Variants in MKRN2 observed in about 807,000 individuals in gnomAD.
MKRN2 encodes the protein makorin ring finger protein 2, also known as E3 ubiquitin-protein ligase makorin-2.
Under a neutral mutation model 45.4 loss-of-function variants are expected in MKRN2, and 32 were observed. The ratio of observed to expected loss-of-function variants is 0.70; its 90% CI spans 0.53 to 0.95. The LOEUF (loss-of-function observed/expected upper bound fraction) is 0.95, where lower values mean the gene tolerates loss of function less well. Ranked by LOEUF, MKRN2 falls within the 40% of genes least tolerant of loss-of-function variation. The pLI is 0.00. For synonymous variants in MKRN2, 206 were observed against 192.4 expected (o/e 1.07, Z -0.59); for missense variants, 526 against 536.7 (o/e 0.98, Z 0.20).
rs945434902 is a variant in MKRN2 at position 12,557,087 on chromosome 3, A to G, written c.-64A>G. ...ACGCGGGATGGGCCGGGCCAGGGCC[A>G]AGGCCGAGGCGGCAGCGGCTGCGAG... is the stretch of plus-strand genomic sequence containing the variant. On this transcript the variant is annotated 5_prime_UTR_variant, in exon 1 of 8. Coordinates refer to ENST00000170447, the MANE Select transcript of MKRN2 (RefSeq NM_014160.5). 14 of 1,331,804 alleles carry G rather than the reference A, an allele frequency of 1.1e-5. No individual in the cohort carries two copies. The highest frequency in any genetic ancestry group is 4.3e-5 in the East Asian group (1 of 23,316). 82.5% of individuals were successfully genotyped at this position (1,331,804 alleles called of 1,614,324 possible).
rs1200425423 is a variant in MKRN2, at chr3:12,582,536, G to T, written c.*283G>T. On this transcript the variant is annotated 3_prime_UTR_variant, in exon 8 of 8. Transcript: ENST00000170447. ...CAACTAACAAACACCCAAACTGTTT[G>T]GATTGATTGCTTTAAAAAACAAACC... The T allele has an allele frequency of 9.6e-6, 3 of 312,716 alleles. No individual in the cohort carries two copies. The highest frequency in any genetic ancestry group is 1.2e-5 in the Non-Finnish European group (2 of 168,680). 19.4% of individuals were successfully genotyped at this position (312,716 alleles called of 1,614,324 possible).
At chr3:12,569,906 A>T (rs1011329850) in intron 2 of MKRN2, among the ~76,000 whole-genome samples, 165 bp from the exon 3 acceptor site, 9 of 152,202 alleles carry the variant, frequency 5.9e-5, no homozygotes, top group African/African-American at 1.9e-4. Context: ...ATTGCCAAGC[A>T]TCTGTTAATA....
chr3:12,561,880 A>G lies in MKRN2; in HGVS notation c.26+4704A>G, dbSNP rs375602098. ...CAAAAATAATTCTCAAACTGCTTAG[A>G]TGTATACTCTACTTTTGTGTTTGGG... On this transcript the variant is annotated intron_variant, in intron 1 of 7. Transcript: ENST00000170447. 1.0e-3 allele frequency among the ~76,000 whole-genome samples: 157 copies of G among 152,208 alleles called. No individual in the cohort carries two copies. In the Middle Eastern group the frequency reaches 0.014, roughly 13 times the overall value.
chr3:12,565,136 C>T (rs1035043751), intron 1 of MKRN2, among the ~76,000 whole-genome samples: 11 of 152,192 alleles, frequency 7.2e-5, no homozygotes, highest in Admixed American at 2.6e-4. Flanking sequence ...TGGGTACATA[C>T]CTAGGCGTAG....
intron 6 of MKRN2, among the ~76,000 whole-genome samples, chr3:12,578,774 G>A (rs867075280): frequency 6.6e-6 from 1 of 150,950 alleles, no homozygotes; most frequent in Non-Finnish European, 1.5e-5. Flanking sequence ...TATGGCAGGC[G>A]TTTACTTGTC....
chr3:12,565,543 T>C (rs2058064448), intron 1 of MKRN2, among the ~76,000 whole-genome samples: 1 of 133,988 alleles, frequency 7.5e-6, no homozygotes, highest in African/African-American at 3.0e-5. Flanking sequence ...TTTTTTTTTT[T>C]TTTTTTTTGG....
chr3:12,564,143 A>G (rs1248351585), intron 1 of MKRN2, among the ~76,000 whole-genome samples: 4 of 151,878 alleles, frequency 2.6e-5, no homozygotes, highest in Non-Finnish European at 5.9e-5. Context: ...ATGGGGTTTC[A>G]CCATGTTGAT....
rs547712988 is a variant in MKRN2, at chr3:12,566,395, TG to T, written c.27-2479del. The stretch of plus-strand genomic sequence containing the variant: ...CAGTTGGGTTTGTTTTGTTTTGTTT[TG>T]TTTTTTTACAGTGAGAAGCCAAGAT... On this transcript the variant is annotated intron_variant, in intron 1 of 7. Coordinates refer to ENST00000170447, the MANE Select transcript of MKRN2 (RefSeq NM_014160.5). 4.6e-5 allele frequency among the ~76,000 whole-genome samples: 7 copies of T among 152,328 alleles called. No individual in the cohort carries two copies. In the South Asian group the frequency reaches 1.5e-3, roughly 32 times the overall value.
At position 12,582,205 on chromosome 3, in the gene MKRN2, C is replaced by G. The variant is rs749807571; in HGVS notation, c.1203C>G (p.Leu401=). 1.2e-6 allele frequency: 2 copies of G among 1,614,036 alleles called. No individual in the cohort carries two copies. Among genetic ancestry groups the G allele is most frequent in the East Asian group, 2.2e-5 (1 of 44,874 alleles). Residue 401 remains leucine, a synonymous_variant, in exon 8 of 8, where the codon CTC becomes CTG. Coordinates refer to ENST00000170447, the MANE Select transcript of MKRN2 (RefSeq NM_014160.5). ...PNNEDVDMTE[L]GDLFMHLSGV... The stretch of plus-strand genomic sequence containing the variant: ...ATGAAGATGTCGACATGACAGAGCT[C>G]GGGGACCTCTTCATGCACCTTTCTG...
intron 6 of MKRN2, among the ~76,000 whole-genome samples, chr3:12,580,913 A>G (rs1041849053): frequency 8.5e-5 from 13 of 152,212 alleles, no homozygotes; most frequent in Middle Eastern, 6.8e-3. Flanking sequence ...GCTGCCCCTG[A>G]CAGCAGCGTG....
chr3:12,567,780 C>G (rs147717429), intron 1 of MKRN2, among the ~76,000 whole-genome samples: 1 of 152,156 alleles, frequency 6.6e-6, no homozygotes, highest in East Asian at 1.9e-4. Context: ...TGTGAGCCAC[C>G]ACACCCAGCC....
rs1188276199 is a variant in MKRN2, at chr3:12,574,998, A to T, written c.849A>T (p.Pro283=). 1 of 1,613,666 alleles carries T rather than the reference A, an allele frequency of 6.2e-7. No homozygotes were observed. Among genetic ancestry groups the T allele is most frequent in the East Asian group, 2.2e-5 (1 of 44,898 alleles). Residue 283 remains proline, a synonymous_variant, in exon 5 of 8, where the codon CCA becomes CCT. Coordinates refer to ENST00000170447, the MANE Select transcript of MKRN2 (RefSeq NM_014160.5). ...QWRCAKQFEN[P]IIKSCPECRV... ...GGTGTGCCAAACAGTTTGAAAACCC[A>T]ATCATTAAGTAAGTACAGCCAGGGG... is the stretch of plus-strand genomic sequence containing the variant.
chr3:12,577,778 C>G (rs2058151330), intron 6 of MKRN2, among the ~76,000 whole-genome samples: 1 of 151,812 alleles, frequency 6.6e-6, no homozygotes, highest in Non-Finnish European at 1.5e-5. Flanking sequence ...CGGGTTCAAG[C>G]GATTCTCCTG....
chr3:12,577,420 T>A (rs1434051571), intron 6 of MKRN2, among the ~76,000 whole-genome samples: 5 of 152,164 alleles, frequency 3.3e-5, no homozygotes, highest in Non-Finnish European at 7.3e-5. Flanking sequence ...TTTATGATAG[T>A]TTTTTTATAT....
intron 6 of MKRN2, among the ~76,000 whole-genome samples, chr3:12,577,704 T>G (rs1040092378): frequency 6.6e-6 from 1 of 151,724 alleles, no homozygotes; most frequent in Non-Finnish European, 1.5e-5. Context: ...AGACGGAGTT[T>G]CACTCTTGTT....
intron 6 of MKRN2, among the ~76,000 whole-genome samples, chr3:12,580,593 G>C (rs749686804): frequency 6.6e-5 from 10 of 152,092 alleles, no homozygotes; most frequent in Non-Finnish European, 1.3e-4. Flanking sequence ...CGAGTAGCTG[G>C]GATTACAGGT....
rs2058205513 is a variant in MKRN2 at position 12,583,469 on chromosome 3, T to C, written c.*1216T>C. On this transcript the variant is annotated 3_prime_UTR_variant, in exon 8 of 8. Transcript: ENST00000170447. ...GTTTACAAAGAGTACAAAGGTTAAA[T>C]TACAAATTCATTCCCAGCCTAGGCT... 5.0e-6 allele frequency: 1 copy of C among 200,054 alleles called. No individual in the cohort carries two copies. Among genetic ancestry groups the C allele is most frequent in the South Asian group, 1.9e-4 (1 of 5,260 alleles). The allele number at this position is 200,054 out of a possible 1,614,324, so 12.4% of individuals were successfully genotyped here. A position where few individuals can be genotyped will look rare whatever the true frequency, so the allele number is the denominator to read the frequency against.
rs377094139 is a variant in MKRN2, at chr3:12,567,358, A to T, written c.27-1517A>T. On this transcript the variant is annotated intron_variant, in intron 1 of 7. Coordinates refer to ENST00000170447, the MANE Select transcript of MKRN2 (RefSeq NM_014160.5). Reference sequence around the variant, plus strand: ...ACAATCATGGCTACTGCAGCCTTGAACTCCTGGGTTTAAGCAATCCTCCTG... The same window carrying T: ...ACAATCATGGCTACTGCAGCCTTGATCTCCTGGGTTTAAGCAATCCTCCTG... Among the ~76,000 whole-genome samples, 13 of 150,290 alleles carry T rather than the reference A, an allele frequency of 8.6e-5. 1 individual carries two copies. Among genetic ancestry groups the T allele is most frequent in the Admixed American group, 7.3e-4 (11 of 15,078 alleles).
chr3:12,557,274 G>T (rs1245712946), intron 1 of MKRN2, 98 bp downstream of exon 1: 1 of 1,457,638 alleles, frequency 6.9e-7, no homozygotes, highest in African/African-American at 1.5e-5. Flanking sequence ...AGGCTAGAGC[G>T]GGACTCGGAA....
Sources: gnomAD v4.1 joint callset for allele counts (sites outside exome capture counted in the v4.1 genomes callset) on GRCh38, gnomAD v4.1.1 for gene constraint, MANE v1.5 for transcripts, NCBI Gene and HGNC (gene_info 2026-07-23, HGNC 2026-07-21) for gene names.